The following DENND1A variants were observed in gnomAD, a reference collection of about 807,000 sequenced individuals.
The protein encoded by DENND1A is DENN domain containing 1A.
DENND1A carries 51 observed loss-of-function variants against 113.7 expected under a neutral mutation model. The observed-to-expected ratio is 0.45, with a 90% CI of 0.36 to 0.57. The LOEUF is 0.57. DENND1A is among the 20% of genes least tolerant of loss of function. The pLI, the probability that DENND1A is intolerant of heterozygous loss-of-function variation, is 0.00. For synonymous variants in DENND1A, 565 were observed against 570.8 expected (o/e 0.99, Z 0.14); for missense variants, 1,258 against 1,395.9 (o/e 0.90, Z 1.57).
At chr9:123,503,542 C>G (rs139488584) in intron 13 of DENND1A, among the ~76,000 whole-genome samples, 14 of 152,292 alleles carry the variant, frequency 9.2e-5, no homozygotes, top group African/African-American at 3.4e-4. Flanking sequence ...TCTGGCCAGT[C>G]TTGAGCTCAT....
chr9:123,399,148 G>A (rs1037087765), intron 21 of DENND1A, among the ~76,000 whole-genome samples: 11 of 152,068 alleles, frequency 7.2e-5, no homozygotes, highest in Non-Finnish European at 1.2e-4. Flanking sequence ...GCTCACTGCC[G>A]TAGCCGTCGT....
chr9:123,618,250 G>A (rs1235505690), intron 10 of DENND1A, among the ~76,000 whole-genome samples: 1 of 152,148 alleles, frequency 6.6e-6, no homozygotes, highest in East Asian at 1.9e-4. Flanking sequence ...CTTGGTCTGT[G>A]GCCTCTGCCT....
At chr9:123,662,132 C>T (rs76576682) in intron 8 of DENND1A, among the ~76,000 whole-genome samples, 2,730 of 152,234 alleles carry the variant, frequency 0.018, 80 homozygotes, top group African/African-American at 0.062. Context: ...AGGATGGTTA[C>T]AATAAGTAAA....
intron 5 of DENND1A, among the ~76,000 whole-genome samples, chr9:123,709,405 C>T (rs1327619467): frequency 3.9e-5 from 6 of 152,180 alleles, no homozygotes; most frequent in Non-Finnish European, 7.4e-5. Flanking sequence ...CTAACACATT[C>T]TCTTGCCTCA....
At chr9:123,757,998 ACAGC>A (rs1353831326) in intron 4 of DENND1A, among the ~76,000 whole-genome samples, 176 bp from the exon 5 acceptor site, 1 of 147,196 alleles carries the variant, frequency 6.8e-6, no homozygotes, top group African/African-American at 2.5e-5. Flanking sequence ...AAAAAAAAAG[ACAGC>A]CAGCAGCCTA....
chr9:123,465,180 C>CA (rs1158098023), intron 13 of DENND1A, among the ~76,000 whole-genome samples: 14 of 142,538 alleles, frequency 9.8e-5, no homozygotes, highest in Admixed American at 2.1e-4. Context: ...GACTACGTCT[C>CA]AAAAAAAAGA....
intron 12 of DENND1A, among the ~76,000 whole-genome samples, chr9:123,569,047 T>G (rs965233408): frequency 6.6e-6 from 1 of 152,024 alleles, no homozygotes; most frequent in Non-Finnish European, 1.5e-5. Context: ...ATAGCTAGAG[T>G]AAAGAAATGC....
chr9:123,391,445 G>A (rs1310633888), intron 21 of DENND1A, among the ~76,000 whole-genome samples: 3 of 152,208 alleles, frequency 2.0e-5, no homozygotes, highest in Non-Finnish European at 2.9e-5. Context: ...AAGTAGCCAA[G>A]GCTCAGAGAG....
intron 5 of DENND1A, among the ~76,000 whole-genome samples, chr9:123,730,807 A>T (rs547718522): frequency 6.6e-6 from 1 of 152,292 alleles, no homozygotes; most frequent in South Asian, 2.1e-4. Flanking sequence ...ACATGCACAC[A>T]TATATTTATT....
intron 11 of DENND1A, among the ~76,000 whole-genome samples, chr9:123,589,564 C>A (rs2059355416): frequency 7.1e-6 from 1 of 141,692 alleles, no homozygotes; most frequent in South Asian, 2.3e-4. Flanking sequence ...CATTCCCTCT[C>A]TTTTTAGTTA....
Position 123,539,650 on chromosome 9 carries a change from G to A in DENND1A, c.993+17920C>T, listed in dbSNP as rs533467611. ...AAAAATTCATGCACTTTGGGAGGCCGAGGCAGGTGGATCATGAGGTCAGGA... is the reference window on the plus strand; with the variant it reads ...AAAAATTCATGCACTTTGGGAGGCCAAGGCAGGTGGATCATGAGGTCAGGA... On this transcript the variant is annotated intron_variant, in intron 13 of 23. Coordinates refer to ENST00000394215, the MANE Select transcript of DENND1A (RefSeq NM_001352964.2). 2.0e-5 allele frequency among the ~76,000 whole-genome samples: 3 copies of A among 152,174 alleles called. No individual in the cohort carries two copies. The South Asian group carries it at 6.2e-4, about 32-fold the overall frequency.
intron 10 of DENND1A, among the ~76,000 whole-genome samples, chr9:123,626,962 G>A (rs1320662434): frequency 6.6e-6 from 1 of 152,240 alleles, no homozygotes; most frequent in South Asian, 2.1e-4. Context: ...GAGGCAGACA[G>A]GCAGCAATTA....
At chr9:123,403,759 T>C (rs528403111) in intron 20 of DENND1A, among the ~76,000 whole-genome samples, 57 of 152,270 alleles carry the variant, frequency 3.7e-4, no homozygotes, top group Admixed American at 8.5e-4. Context: ...GATAGTTCCA[T>C]TGGCCTCCTT....
chr9:123,916,714 T>G (rs1348114042), intron 1 of DENND1A, among the ~76,000 whole-genome samples: 1 of 152,056 alleles, frequency 6.6e-6, no homozygotes, highest in Admixed American at 6.6e-5. Flanking sequence ...AAATCTAAAA[T>G]CAAACTCGGT....
intron 13 of DENND1A, among the ~76,000 whole-genome samples, chr9:123,539,739 C>T (rs1238981343): frequency 3.3e-5 from 5 of 151,964 alleles, no homozygotes; most frequent in Non-Finnish European, 7.4e-5. Context: ...AAAAATTAGC[C>T]GGGCACGGTG....
At chr9:123,667,344 T>C (rs766081730) in intron 7 of DENND1A, among the ~76,000 whole-genome samples, 5 of 152,104 alleles carry the variant, frequency 3.3e-5, no homozygotes, top group Non-Finnish European at 5.9e-5. Context: ...GCCAGGAGTG[T>C]TGGCTCACAC....
chr9:123,627,206 G>C (rs1234105616), intron 10 of DENND1A, among the ~76,000 whole-genome samples: 1 of 152,196 alleles, frequency 6.6e-6, no homozygotes, highest in Non-Finnish European at 1.5e-5. Context: ...GTATCTTCCA[G>C]ACAAGGAGCA....
intron 5 of DENND1A, among the ~76,000 whole-genome samples, chr9:123,739,300 CAGAG>C (rs1329737997): frequency 6.6e-6 from 1 of 152,064 alleles, no homozygotes; most frequent in African/African-American, 2.4e-5. Flanking sequence ...TGCAGAAAGA[CAGAG>C]AGGGAAAATA....
At position 123,695,884 on chromosome 9, in the gene DENND1A, T is replaced by C. The variant is rs2140489275; in HGVS notation, c.303-19095A>G. On this transcript the variant is annotated intron_variant, in intron 5 of 23. Transcript: ENST00000394215. ...AGAAGATAATTTTATAGAAGGACAG[T>C]TGAATAAAGGTTACTGGAACACAGA... Among the ~76,000 whole-genome samples, 3 of 152,012 alleles carry C rather than the reference T, an allele frequency of 2.0e-5. No individual in the cohort carries two copies. In the South Asian group the frequency reaches 6.2e-4, roughly 32 times the overall value.
Sources: allele counts gnomAD v4.1 joint callset (sites outside exome capture counted in the v4.1 genomes callset), GRCh38; gene constraint gnomAD v4.1.1; transcripts MANE v1.5; gene names NCBI Gene and HGNC (gene_info 2026-07-23, HGNC 2026-07-21).